OR8B3: variants seen among roughly 807,000 people sequenced by gnomAD.
OR8B3 encodes the protein olfactory receptor 8B3.
For synonymous variants in OR8B3, 102 were observed against 135.4 expected, an observed-to-expected ratio of 0.75 and a Z score of 1.71; for missense variants, 278 against 377.6, an observed-to-expected ratio of 0.74 and a Z score of 2.19.
chr11:124,400,206 T>C (rs1860969662), upstream of OR8B3, among the ~76,000 whole-genome samples: 2 of 152,192 alleles, frequency 1.3e-5, no homozygotes, highest in African/African-American at 4.8e-5. Flanking sequence ...TGTTTTCTTA[T>C]TTTTTATTAG....
upstream of OR8B3, among the ~76,000 whole-genome samples, chr11:124,401,394 A>G (rs1860993879): frequency 6.6e-6 from 1 of 152,260 alleles, no homozygotes; most frequent in African/African-American, 2.4e-5. Context: ...TTAAATTTCA[A>G]GATGCATTTG....
upstream of OR8B3, among the ~76,000 whole-genome samples, chr11:124,399,397 A>G (rs1268370018): frequency 5.3e-5 from 8 of 152,212 alleles, no homozygotes; most frequent in Admixed American, 5.2e-4. Context: ...AGATTTTTTA[A>G]TAAAAATTTT....
At chr11:124,402,218 C>T (rs1311370103), upstream of OR8B3, among the ~76,000 whole-genome samples, 1 of 152,122 alleles carries the variant, frequency 6.6e-6, no homozygotes, top group East Asian at 1.9e-4. Context: ...CAAAGATGTA[C>T]AACAGTACCC....
At chr11:124,406,437 G>A in the OR8B3 span, among the ~76,000 whole-genome samples, 22 of 151,894 alleles carry the variant, frequency 1.4e-4, no homozygotes, top group Admixed American at 3.3e-4. Context: ...TTTTCCCTGC[G>A]TGCTCCCTGA....
At chr11:124,407,073 A>G in the OR8B3 span, among the ~76,000 whole-genome samples, 1 of 152,032 alleles carries the variant, frequency 6.6e-6, no homozygotes, top group Non-Finnish European at 1.5e-5. Context: ...ATTTGTATAT[A>G]TCTTTTCTCA....
At chr11:124,408,667 T>G in the OR8B3 span, among the ~76,000 whole-genome samples, 1 of 152,064 alleles carries the variant, frequency 6.6e-6, no homozygotes, top group Non-Finnish European at 1.5e-5. Context: ...GCAAAATGTG[T>G]CCCTAGGAGG....
upstream of OR8B3, among the ~76,000 whole-genome samples, chr11:124,399,884 T>TG (rs1860960463): frequency 3.1e-5 from 3 of 96,212 alleles, no homozygotes; most frequent in African/African-American, 1.2e-4. Context: ...TACAGAATTC[T>TG]CTTTTTTTTT....
At chr11:124,405,313 C>T in the OR8B3 span, among the ~76,000 whole-genome samples, 1 of 152,126 alleles carries the variant, frequency 6.6e-6, no homozygotes, top group Non-Finnish European at 1.5e-5. Context: ...CTCTCCCTCC[C>T]CCAAGTCAGT....
chr11:124,407,862 T>A, the OR8B3 span, among the ~76,000 whole-genome samples: 1 of 152,184 alleles, frequency 6.6e-6, no homozygotes, highest in Non-Finnish European at 1.5e-5. Flanking sequence ...TGGAATTGCA[T>A]TAAATCTACA....
upstream of OR8B3, among the ~76,000 whole-genome samples, chr11:124,403,557 C>A (rs1258026194): frequency 6.6e-6 from 1 of 151,668 alleles, no homozygotes; most frequent in Non-Finnish European, 1.5e-5. Context: ...AGACGATGGG[C>A]GGCCGGGCAG....
In OR8B3 at chr11:124,397,163, G is replaced by A. The variant is rs570205247; in HGVS notation, c.189C>T (p.Leu63=). 4 of 1,612,610 alleles carry A rather than the reference G, an allele frequency of 2.5e-6. No homozygotes were observed. The highest frequency in any genetic ancestry group is 3.3e-5 in the Admixed American group (2 of 59,856). Residue 63 remains leucine (L), a synonymous_variant, in exon 2 of 2, where the codon CTC becomes CTT. Transcript: ENST00000641139. The part of the protein sequence containing the change: ...SHLHTPMYYF[L]FNLSFIDLCY... Reference sequence around the variant, plus strand: ...AGAGATCAATGAAGGAGAGATTGAAGAGGAAATAGTACATTGGTGTGTGGA... The same window carrying A: ...AGAGATCAATGAAGGAGAGATTGAAAAGGAAATAGTACATTGGTGTGTGGA...
At chr11:124,401,222 C>CAGAGAGAGACAGAGAGAG (rs1555071085), upstream of OR8B3, among the ~76,000 whole-genome samples, 19 of 142,396 alleles carry the variant, frequency 1.3e-4, no homozygotes, top group African/African-American at 4.7e-4. Context: ...TGCAAAGAGA[C>CAGAGAGAGACAGAGAGAG]AGAGAGAGAG....
At chr11:124,406,732 T>G in the OR8B3 span, among the ~76,000 whole-genome samples, 1 of 151,902 alleles carries the variant, frequency 6.6e-6, no homozygotes, top group Non-Finnish European at 1.5e-5. Context: ...GGATTACACT[T>G]GATTTTCTAA....
upstream of OR8B3, chr11:124,399,075 A>G (rs1860946454): frequency 6.6e-6 from 1 of 152,202 alleles, no homozygotes; most frequent in South Asian, 2.1e-4. Flanking sequence ...AAGAAATTGT[A>G]TGCCCTTGTT....
At chr11:124,403,495 C>T (rs1197122966), upstream of OR8B3, among the ~76,000 whole-genome samples, 3 of 150,396 alleles carry the variant, frequency 2.0e-5, no homozygotes, top group Non-Finnish European at 3.0e-5. Context: ...CGGGCAGAGG[C>T]GCTCCTCACA....
At position 124,397,789 on chromosome 11, in the gene OR8B3, C is replaced by T. The variant is rs531119055; in HGVS notation, c.-17-421G>A. Reference sequence around the variant, plus strand: ...TCGGCTCACTGCAACCTCTGCCTCCCGGGTTCAAGAGATTCTCCTGTCCAG... The same window carrying T: ...TCGGCTCACTGCAACCTCTGCCTCCTGGGTTCAAGAGATTCTCCTGTCCAG... On this transcript the variant is annotated intron_variant, in intron 1 of 1. Coordinates refer to ENST00000641139, the MANE Select transcript of OR8B3 (RefSeq NM_001005467.2). 8.6e-5 allele frequency among the ~76,000 whole-genome samples: 13 copies of T among 151,252 alleles called. No homozygotes were observed. In the South Asian group the frequency reaches 1.3e-3, roughly 15 times the overall value.
At chr11:124,406,759 A>G in the OR8B3 span, among the ~76,000 whole-genome samples, 1 of 151,450 alleles carries the variant, frequency 6.6e-6, no homozygotes, top group Non-Finnish European at 1.5e-5. Context: ...TTCTTATGGA[A>G]TAAAAGAATT....
rs140121900 is a variant in OR8B3 at position 124,397,205 on chromosome 11, G to A, written c.147C>T (p.Phe49=). The A allele has an allele frequency of 8.8e-4, 1,420 of 1,610,738 alleles. 2 individuals are homozygous for A. The highest frequency in any genetic ancestry group is 1.1e-3 in the Non-Finnish European group (1,296 of 1,179,584). The change falls in exon 2 of 2, where the codon TTC becomes TTT. Residue 49 remains phenylalanine, a synonymous_variant. Coordinates refer to ENST00000641139, the MANE Select transcript of OR8B3 (RefSeq NM_001005467.2). ...MVGNLGLIIL[F]GLNSHLHTPM... ...GTGTGTGGAGGTGAGAATTTAGACC[G>A]AAAAGAATGATCAAGCCAAGGTTGC...
upstream of OR8B3, among the ~76,000 whole-genome samples, chr11:124,403,146 G>A (rs1861023617): frequency 6.6e-6 from 1 of 152,220 alleles, no homozygotes; most frequent in Non-Finnish European, 1.5e-5. Flanking sequence ...AGGGTTTGGG[G>A]TAAGGTCATA....
Sources: gnomAD v4.1 joint callset for allele counts (sites outside exome capture counted in the v4.1 genomes callset) on GRCh38, gnomAD v4.1.1 for gene constraint, MANE v1.5 for transcripts, NCBI Gene and HGNC (gene_info 2026-07-23, HGNC 2026-07-21) for gene names.